The following SLC4A4 variants were observed in gnomAD, a reference collection of about 807,000 sequenced individuals.
The protein encoded by SLC4A4 is solute carrier family 4 member 4, also known as electrogenic sodium bicarbonate cotransporter 1.
SLC4A4 carries 27 observed loss-of-function variants against 111.5 expected under a neutral mutation model. The ratio of observed to expected loss-of-function variants is 0.24; its 90% CI spans 0.18 to 0.33. SLC4A4 has a LOEUF of 0.33. Among genes scored for constraint, SLC4A4 ranks in the 10% least tolerant of loss-of-function variants. SLC4A4 has a pLI of 1.00. For synonymous variants in SLC4A4, 443 were observed against 463.4 expected (o/e 0.96, Z 0.57); for missense variants, 909 against 1,315.5 (o/e 0.69, Z 4.78).
chr4:71,314,320 G>A (rs181164957), intron 3 of SLC4A4, among the ~76,000 whole-genome samples: 1 of 152,282 alleles, frequency 6.6e-6, no homozygotes, highest in East Asian at 1.9e-4. Flanking sequence ...TACACTGTTG[G>A]TGGAGTGTAA....
intron 6 of SLC4A4, among the ~76,000 whole-genome samples, chr4:71,396,122 G>GC: frequency 6.6e-6 from 1 of 152,274 alleles, no homozygotes; most frequent in African/African-American, 2.4e-5. Context: ...AAGAAAATGT[G>GC]CCCTTCAAAG....
intron 1 of SLC4A4, among the ~76,000 whole-genome samples, chr4:71,203,752 A>G (rs1215551655): frequency 6.6e-6 from 1 of 152,244 alleles, no homozygotes; most frequent in Non-Finnish European, 1.5e-5. Flanking sequence ...CATTTAGAGT[A>G]TAAAGGTTAA....
At chr4:71,551,200 T>G (rs971462535) in intron 20 of SLC4A4, among the ~76,000 whole-genome samples, 2 of 151,966 alleles carry the variant, frequency 1.3e-5, no homozygotes, top group African/African-American at 2.4e-5. Flanking sequence ...TCAAGTGAAG[T>G]TCACTGCTAC....
chr4:71,466,577 A>C lies in SLC4A4; in HGVS notation c.1631A>C (p.Lys544Thr), dbSNP rs1727332913. ...VFERLLFNFS[K>T]DNNFDYLEFR... Reference sequence around the variant, plus strand: ...GAGAGGCTTCTATTTAATTTCAGCAAGTATGTACATACATATTTAATTGCA... The same window carrying C: ...GAGAGGCTTCTATTTAATTTCAGCACGTATGTACATACATATTTAATTGCA... The change falls in exon 13 of 26, where the codon AAG becomes ACG. Residue 544 changes from lysine (K) to threonine (T), a missense_variant and splice_region_variant. Coordinates refer to ENST00000264485, the MANE Select transcript of SLC4A4 (RefSeq NM_001098484.3). 6.2e-7 allele frequency: 1 copy of C among 1,613,092 alleles called. No individual in the cohort carries two copies. Among genetic ancestry groups the C allele is most frequent in the Non-Finnish European group, 8.5e-7 (1 of 1,179,432 alleles).
intron 1 of SLC4A4, among the ~76,000 whole-genome samples, chr4:71,234,533 C>T (rs1719667347): frequency 6.6e-6 from 1 of 152,186 alleles, no homozygotes; most frequent in Non-Finnish European, 1.5e-5. Flanking sequence ...TCAAGTTATC[C>T]TCCTGCCTCA....
intron 1 of SLC4A4, among the ~76,000 whole-genome samples, chr4:71,193,684 G>A (rs1463398673): frequency 6.6e-6 from 1 of 152,102 alleles, no homozygotes; most frequent in Admixed American, 6.6e-5. Context: ...GCATTTCTCA[G>A]AGTACCTTGT....
In SLC4A4 at chr4:71,450,399, A is replaced by G. The variant is rs773669644; in HGVS notation, c.1064A>G (p.Asp355Gly). 1.1e-5 allele frequency: 17 copies of G among 1,608,532 alleles called. No homozygotes were observed. The highest frequency in any genetic ancestry group is 1.4e-5 in the Non-Finnish European group (17 of 1,174,930). The change falls in exon 10 of 26, where the codon GAC becomes GGC. Residue 355 changes from aspartate (D) to glycine (G), a missense_variant. Around this residue, in one of 7 missense-constraint regions of SLC4A4, gnomAD observed 312 missense variants for 402.0 expected, o/e 0.78. Transcript: ENST00000264485. Reference sequence around the variant, plus strand: ...TTTATTATTCTTTAGGTGTTCCATGACATTGCTTATAAAGCAAAAGACAGG... The same window carrying G: ...TTTATTATTCTTTAGGTGTTCCATGGCATTGCTTATAAAGCAAAAGACAGG... Reference protein sequence around the residue: ...ATLMSDEVFHDIAYKAKDRHD... With the variant: ...ATLMSDEVFHGIAYKAKDRHD...
chr4:71,371,313 G>A (rs892075727), intron 6 of SLC4A4, among the ~76,000 whole-genome samples: 8 of 139,286 alleles, frequency 5.7e-5, no homozygotes, highest in East Asian at 2.1e-4. Context: ...GCTTGATCTC[G>A]GCTTACTGCA....
At chr4:71,410,119 G>C (rs938585622) in intron 7 of SLC4A4, among the ~76,000 whole-genome samples, 1 of 152,202 alleles carries the variant, frequency 6.6e-6, no homozygotes, top group African/African-American at 2.4e-5. Context: ...GAGAACCTCT[G>C]TTAGGTCAGT....
chr4:71,210,217 C>T (rs1316778009), intron 1 of SLC4A4, among the ~76,000 whole-genome samples: 3 of 152,174 alleles, frequency 2.0e-5, no homozygotes, highest in Non-Finnish European at 4.4e-5. Context: ...TCAATGATTG[C>T]TTCCTTTGGG....
intron 16 of SLC4A4, among the ~76,000 whole-genome samples, chr4:71,505,139 T>C (rs1039513245): frequency 6.6e-6 from 1 of 152,176 alleles, no homozygotes; most frequent in Non-Finnish European, 1.5e-5. Context: ...ACTGATGGGC[T>C]TTTAGGTTGA....
rs201013863 is a variant in SLC4A4 at position 71,083,305 on chromosome 4, G to GT, written c.-64-9417dup. 3.4e-5 allele frequency among the ~76,000 whole-genome samples: 5 copies of GT among 149,220 alleles called. 1 individual carries two copies. The highest frequency in any genetic ancestry group is 9.9e-5 in the African/African-American group (4 of 40,358). The stretch of plus-strand genomic sequence containing the variant: ...TTTTCATTTAAACTTAAGTTTTTTA[G>GT]TTTTTTTTCCATGTTCATACATTAG... On this transcript the variant is annotated intron_variant, in intron 1 of 26. Coordinates refer to the SLC4A4 transcript ENST00000649996.
At chr4:71,266,742 A>G (rs2149074949) in intron 3 of SLC4A4, among the ~76,000 whole-genome samples, 1 of 152,290 alleles carries the variant, frequency 6.6e-6, no homozygotes, top group South Asian at 2.1e-4. Context: ...GCGCCTGGCT[A>G]GCCACTGTAA....
intron 3 of SLC4A4, among the ~76,000 whole-genome samples, chr4:71,303,604 G>A (rs1031052911): frequency 3.9e-5 from 6 of 152,184 alleles, no homozygotes; most frequent in South Asian, 4.1e-4. Flanking sequence ...ATGGGAGGCC[G>A]TAATTTAACA....
chr4:71,109,151 T>C (rs1743023501), intron 2 of SLC4A4, among the ~76,000 whole-genome samples: 1 of 152,178 alleles, frequency 6.6e-6, no homozygotes, highest in African/African-American at 2.4e-5. Flanking sequence ...GTTTTTGTTT[T>C]TGTTTTTTGA....
chr4:71,094,663 G>C (rs1197768187), intron 2 of SLC4A4, among the ~76,000 whole-genome samples: 3 of 152,184 alleles, frequency 2.0e-5, no homozygotes, highest in Non-Finnish European at 4.4e-5. Context: ...TTAGCCACAT[G>C]CAGTATGGCT....
At chr4:71,396,476 A>C (rs1719830444) in intron 6 of SLC4A4, among the ~76,000 whole-genome samples, 1 of 152,198 alleles carries the variant, frequency 6.6e-6, no homozygotes, top group Admixed American at 6.5e-5. Flanking sequence ...AATTATTTGG[A>C]AGCAAATGTG....
At chr4:71,275,015 C>T (rs1722971265) in intron 3 of SLC4A4, among the ~76,000 whole-genome samples, 1 of 152,044 alleles carries the variant, frequency 6.6e-6, no homozygotes, top group African/African-American at 2.4e-5. Flanking sequence ...CCAAATGACC[C>T]CTTCTTGTCT....
chr4:71,306,083 T>C (rs1297853883), intron 3 of SLC4A4, among the ~76,000 whole-genome samples: 2 of 152,236 alleles, frequency 1.3e-5, no homozygotes, highest in African/African-American at 2.4e-5. Flanking sequence ...CCTATGTTTC[T>C]TGTTATAGCT....
Sources: gnomAD v4.1 joint callset for allele counts (sites outside exome capture counted in the v4.1 genomes callset) on GRCh38, gnomAD v4.1.1 for gene constraint, gnomAD v4.1.1 regional missense constraint, MANE v1.5 for transcripts, NCBI Gene and HGNC (gene_info 2026-07-23, HGNC 2026-07-21) for gene names.